Variants in DOK6 observed in about 807,000 individuals in gnomAD.
DOK6 encodes the protein downstream of tyrosine kinase 6.
In DOK6, 22 loss-of-function variants were observed where a neutral mutation model predicts 44.0. The ratio of observed to expected loss-of-function variants is 0.50; its 90% confidence interval spans 0.36 to 0.71. The LOEUF is 0.71. DOK6 is among the 30% of genes least tolerant of loss of function. The pLI is 0.00. For missense variants in DOK6, 340 were observed against 416.4 expected (o/e 0.82, Z 1.60); for synonymous variants, 166 against 145.5 (o/e 1.14, Z -1.01).
At chr18:69,528,960 A>G (rs1981912062) in intron 1 of DOK6, among the ~76,000 whole-genome samples, 1 of 152,126 alleles carries the variant, frequency 6.6e-6, no homozygotes, top group Admixed American at 6.5e-5. Flanking sequence ...TCCATAAATC[A>G]CCTGAAGGAA....
chr18:69,530,027 T>A (rs778972077), intron 1 of DOK6, among the ~76,000 whole-genome samples: 1 of 152,172 alleles, frequency 6.6e-6, no homozygotes, highest in Non-Finnish European at 1.5e-5. Context: ...CCTCATGATG[T>A]TGTTTTGAGG....
intron 1 of DOK6, among the ~76,000 whole-genome samples, chr18:69,471,172 C>T (rs1458307779): frequency 7.0e-6 from 1 of 142,496 alleles, no homozygotes; most frequent in African/African-American, 2.6e-5. Flanking sequence ...ATCGCTTGAA[C>T]CTGGGAGGCA....
intron 7 of DOK6, among the ~76,000 whole-genome samples, chr18:69,791,931 T>C (rs1980612925): frequency 6.6e-6 from 1 of 152,136 alleles, no homozygotes; most frequent in Non-Finnish European, 1.5e-5. Context: ...TTTTTGTATA[T>C]GGTGAGAGAT....
chr18:69,609,862 T>C (rs112855963), intron 3 of DOK6, among the ~76,000 whole-genome samples: 2,511 of 152,324 alleles, frequency 0.016, 78 homozygotes, highest in African/African-American at 0.057. Context: ...AAGGAAATTC[T>C]GCAATATGCA....
chr18:69,651,481 C>CTTT (rs1568322475), intron 3 of DOK6, among the ~76,000 whole-genome samples: 15 of 143,856 alleles, frequency 1.0e-4, no homozygotes, highest in African/African-American at 3.2e-4. Context: ...GCCCCCCGCT[C>CTTT]CTTTTTTTTT....
At chr18:69,437,598 T>C (rs1294629842) in intron 1 of DOK6, among the ~76,000 whole-genome samples, 1 of 152,180 alleles carries the variant, frequency 6.6e-6, no homozygotes, top group Non-Finnish European at 1.5e-5. Context: ...TGAAGTCAGG[T>C]AGTGTGATGC....
At chr18:69,722,442 ACTATATC>A (rs1978290210) in intron 5 of DOK6, among the ~76,000 whole-genome samples, 1 of 152,166 alleles carries the variant, frequency 6.6e-6, no homozygotes, top group Non-Finnish European at 1.5e-5. Flanking sequence ...AGAGACAGCT[ACTATATC>A]CTCTCCCCAA....
chr18:69,584,973 G>A (rs1983465563), intron 2 of DOK6, among the ~76,000 whole-genome samples: 1 of 150,640 alleles, frequency 6.6e-6, no homozygotes, highest in South Asian at 2.1e-4. Flanking sequence ...GCTTGCCAGA[G>A]GTCTCTTATT....
intron 7 of DOK6, among the ~76,000 whole-genome samples, chr18:69,773,785 A>G (rs1343523022): frequency 6.6e-6 from 1 of 151,770 alleles, no homozygotes; most frequent in Admixed American, 6.6e-5. Context: ...ACTGTGTTGT[A>G]CACTTAAAAA....
chr18:69,652,870 C>T (rs537265671), intron 3 of DOK6, among the ~76,000 whole-genome samples: 1 of 152,040 alleles, frequency 6.6e-6, no homozygotes, highest in African/African-American at 2.4e-5. Flanking sequence ...ATTCTAGCTG[C>T]AAGAAATTGA....
chr18:69,797,178 G>A (rs1049472069), intron 7 of DOK6, among the ~76,000 whole-genome samples: 26 of 152,076 alleles, frequency 1.7e-4, no homozygotes, highest in African/African-American at 5.1e-4. Context: ...CTCACCAACC[G>A]AAAGGAAGAA....
intron 1 of DOK6, among the ~76,000 whole-genome samples, chr18:69,494,108 T>A (rs943439587): frequency 2.0e-5 from 3 of 152,228 alleles, no homozygotes; most frequent in Non-Finnish European, 2.9e-5. Flanking sequence ...TATAAAAGTA[T>A]TTTTTGTCTT....
At chr18:69,795,834 G>A (rs1227984901) in intron 7 of DOK6, among the ~76,000 whole-genome samples, 1 of 152,112 alleles carries the variant, frequency 6.6e-6, no homozygotes, top group East Asian at 1.9e-4. Flanking sequence ...TAACAAGTGG[G>A]AAAGAAGAGA....
chr18:69,417,932 G>A (rs1978383751), intron 1 of DOK6, among the ~76,000 whole-genome samples: 3 of 152,178 alleles, frequency 2.0e-5, no homozygotes, highest in Admixed American at 2.0e-4. Flanking sequence ...AGTTGTTTGG[G>A]TTATTTATGT....
chr18:69,631,287 G>GATAATATAT (rs1206765004), intron 3 of DOK6, among the ~76,000 whole-genome samples: 2 of 152,158 alleles, frequency 1.3e-5, no homozygotes, highest in African/African-American at 4.8e-5. Flanking sequence ...TGATGTAATT[G>GATAATATAT]ATAATATATA....
At chr18:69,680,370 C>T (rs1019696281) in intron 4 of DOK6, among the ~76,000 whole-genome samples, 18 of 152,186 alleles carry the variant, frequency 1.2e-4, no homozygotes, top group African/African-American at 3.9e-4. Context: ...GCCAAGGCCA[C>T]GGATACAGCC....
rs149627253 is a variant in DOK6, at chr18:69,732,299, G to A, written c.600-6666G>A. Among the ~76,000 whole-genome samples the A allele has an allele frequency of 2.8e-4, 43 of 152,122 alleles. No individual in the cohort carries two copies. In the East Asian group the frequency reaches 6.2e-3, roughly 22 times the overall value. ...CCTCCAGGAGCTATGTATATAGGGC[G>A]AATATAAAATCATCTGTCAATCTTT... On this transcript the variant is annotated intron_variant, in intron 5 of 7. Coordinates refer to ENST00000382713, the MANE Select transcript of DOK6 (RefSeq NM_152721.6).
chr18:69,757,749 C>T lies in DOK6; in HGVS notation c.739-7C>T. 6.2e-7 allele frequency: 1 copy of T among 1,611,732 alleles called. No individual in the cohort carries two copies. Among genetic ancestry groups the T allele is most frequent in the Non-Finnish European group, 8.5e-7 (1 of 1,177,856 alleles). On this transcript the variant is annotated splice_region_variant and splice_polypyrimidine_tract_variant and intron_variant, in intron 6 of 7. Transcript: ENST00000382713. ...CGAGGCCTAAAACACATTCTTTTCT[C>T]TTTTAGCTTCAGACAAGCTTGACTG...
chr18:69,564,383 T>C, intron 1 of DOK6, 104 bp from the exon 2 acceptor site: 1 of 819,242 alleles, frequency 1.2e-6, no homozygotes, highest in Non-Finnish European at 1.9e-6. Flanking sequence ...TCAAAAACAG[T>C]TCCTCTCTGA....
Sources: gnomAD v4.1 joint callset for allele counts (sites outside exome capture counted in the v4.1 genomes callset) on GRCh38, gnomAD v4.1.1 for gene constraint, MANE v1.5 for transcripts, NCBI Gene and HGNC (gene_info 2026-07-23, HGNC 2026-07-21) for gene names.